BBS9: variants seen among roughly 807,000 people sequenced by gnomAD.
The protein encoded by BBS9 is protein PTHB1.
In BBS9, 89 loss-of-function variants were observed where a neutral mutation model predicts 117.7. That is an observed-to-expected ratio of 0.76 (90% CI 0.64 to 0.90). BBS9 has a LOEUF of 0.90. BBS9 is among the 40% of genes least tolerant of loss of function. The pLI, the probability that BBS9 is intolerant of heterozygous loss-of-function variation, is 0.00. For synonymous variants in BBS9, 379 were observed against 370.9 expected (o/e 1.02, Z -0.25); for missense variants, 982 against 1,042.2 (o/e 0.94, Z 0.80).
At chr7:33,540,256 A>C (rs1261828516) in intron 21 of BBS9, among the ~76,000 whole-genome samples, 2 of 152,266 alleles carry the variant, frequency 1.3e-5, no homozygotes, top group African/African-American at 4.8e-5. Flanking sequence ...TCCCTACCTC[A>C]TCCCATATCA....
intron 9 of BBS9, among the ~76,000 whole-genome samples, chr7:33,305,331 T>C (rs1807653640): frequency 6.6e-6 from 1 of 152,162 alleles, no homozygotes; most frequent in South Asian, 2.1e-4. Context: ...AATATTTGTG[T>C]CAATATTCAT....
In BBS9 at chr7:33,434,278, TA is replaced by T. The variant is rs36043262; in HGVS notation, c.2115+46149del. On this transcript the variant is annotated intron_variant, in intron 19 of 22. Coordinates refer to ENST00000242067, the MANE Select transcript of BBS9 (RefSeq NM_198428.3). ...CACTGAATTCTAATTTCCTGTTTGC[TA>T]AAAAAAAAAAAAAACTCCGTTTTAG... Among the ~76,000 whole-genome samples, 3,395 of 132,550 alleles carry T rather than the reference TA, an allele frequency of 0.026. 201 individuals carry two copies. The East Asian group carries it at 0.28, about 11-fold the overall frequency. The allele number at this position is 132,550 out of a possible 152,430, so 87.0% of individuals were successfully genotyped here.
At chr7:33,179,250 A>G (rs57445939) in intron 5 of BBS9, among the ~76,000 whole-genome samples, 2,576 of 152,296 alleles carry the variant, frequency 0.017, 61 homozygotes, top group African/African-American at 0.059. Flanking sequence ...TTTTGATAGC[A>G]TAACAGTGGT....
chr7:33,209,937 G>T (rs931774187), intron 5 of BBS9, among the ~76,000 whole-genome samples: 12 of 151,898 alleles, frequency 7.9e-5, no homozygotes, highest in African/African-American at 2.9e-4. Context: ...ACTGATTTTT[G>T]GTTTGGTTTG....
At chr7:33,381,519 G>A (rs981365068) in intron 17 of BBS9, among the ~76,000 whole-genome samples, 1 of 152,062 alleles carries the variant, frequency 6.6e-6, no homozygotes, top group Non-Finnish European at 1.5e-5. Context: ...AGATTTAAAA[G>A]GTTCTTATAC....
At chr7:33,211,473 G>A (rs1005444606) in intron 5 of BBS9, among the ~76,000 whole-genome samples, 1 of 143,266 alleles carries the variant, frequency 7.0e-6, no homozygotes, top group Non-Finnish European at 1.6e-5. Context: ...TCATTCCCCT[G>A]CTTTTTTTTG....
intron 11 of BBS9, among the ~76,000 whole-genome samples, chr7:33,342,753 C>A (rs1816803873): frequency 6.6e-6 from 1 of 152,064 alleles, no homozygotes; most frequent in Non-Finnish European, 1.5e-5. Context: ...TTTATGTTCC[C>A]AAAGGACTGC....
Position 33,542,790 on chromosome 7 carries a change from TACACACACACACACACACACACACAC to T in BBS9, c.2521+8638_2521+8663del, listed in dbSNP as rs368494839. Among the ~76,000 whole-genome samples, 10 of 134,380 alleles carry T rather than the reference TACACACACACACACACACACACACAC, an allele frequency of 7.4e-5. No individual in the cohort carries two copies. In the South Asian group the frequency reaches 1.3e-3, roughly 17 times the overall value. The allele number at this position is 134,380 out of a possible 152,430, so 88.2% of individuals were successfully genotyped here. Reference sequence around the variant, plus strand: ...ATATGTGAGTATATATATATATATGTACACACACACACACACACACACACACACACACACACACACACACACACAGT... The same window carrying T: ...ATATGTGAGTATATATATATATATGTACACACACACACACACACACACAGT... On this transcript the variant is annotated intron_variant, in intron 21 of 22. Coordinates refer to ENST00000242067, the MANE Select transcript of BBS9 (RefSeq NM_198428.3).
chr7:33,384,377 T>G (rs1195611586), intron 18 of BBS9, among the ~76,000 whole-genome samples: 3 of 152,218 alleles, frequency 2.0e-5, no homozygotes, highest in Non-Finnish European at 4.4e-5. Flanking sequence ...GCTCTGAATA[T>G]TTTGCATTTC....
chr7:33,563,448 A>G (rs566066110), intron 21 of BBS9, among the ~76,000 whole-genome samples: 1 of 152,312 alleles, frequency 6.6e-6, no homozygotes, highest in East Asian at 1.9e-4. Context: ...TCTATACTGA[A>G]AAAGCAGTTC....
intron 9 of BBS9, among the ~76,000 whole-genome samples, chr7:33,316,255 A>T (rs1210674793): frequency 6.6e-6 from 1 of 152,158 alleles, no homozygotes; most frequent in African/African-American, 2.4e-5. Flanking sequence ...TCAACGTACT[A>T]TTTTTTAACA....
chr7:33,562,040 T>C (rs1189863771), intron 21 of BBS9, among the ~76,000 whole-genome samples: 2 of 152,174 alleles, frequency 1.3e-5, no homozygotes, highest in African/African-American at 4.8e-5. Flanking sequence ...GAAAATAGAG[T>C]TGCCATTGAA....
In BBS9 at chr7:33,420,468, G is replaced by A. The variant is rs181301015; in HGVS notation, c.2115+32324G>A. Among the ~76,000 whole-genome samples, 14 of 152,230 alleles carry A rather than the reference G, an allele frequency of 9.2e-5. No homozygotes were observed. The East Asian group carries it at 1.9e-3, about 21-fold the overall frequency. ...TTGCTGCCTGACCAGCACCAGACAC[G>A]GGGACACTAGTATGCACCTGGCTTA... On this transcript the variant is annotated intron_variant, in intron 19 of 22. Coordinates refer to ENST00000242067, the MANE Select transcript of BBS9 (RefSeq NM_198428.3).
rs776584640 is a variant in BBS9 at position 33,544,342 on chromosome 7, TG to T, written c.2521+10168del. On this transcript the variant is annotated intron_variant, in intron 21 of 22. Transcript: ENST00000242067. Reference sequence around the variant, plus strand: ...TAGTCTCTGTCAGAGGGAAGGTCTATGGCTGAAAGCTGTTGTTCAGATTCTT... The same window carrying T: ...TAGTCTCTGTCAGAGGGAAGGTCTATGCTGAAAGCTGTTGTTCAGATTCTT... 9.8e-5 allele frequency among the ~76,000 whole-genome samples: 15 copies of T among 152,320 alleles called. No homozygotes were observed. The South Asian group carries it at 1.0e-3, about 11-fold the overall frequency.
At chr7:33,383,591 A>G in intron 17 of BBS9, 75 bp from the exon 18 acceptor site, 3 of 1,294,182 alleles carry the variant, frequency 2.3e-6, no homozygotes, top group South Asian at 2.6e-5. Context: ...TAAAGTCAGG[A>G]TTAGTGATAG....
At chr7:33,495,959 T>A (rs1466055885) in intron 19 of BBS9, among the ~76,000 whole-genome samples, 1 of 152,122 alleles carries the variant, frequency 6.6e-6, no homozygotes. Context: ...TAAAACCGGT[T>A]TTATGTGAAT....
At chr7:33,478,569 C>T (rs548794134) in intron 19 of BBS9, among the ~76,000 whole-genome samples, 6 of 152,170 alleles carry the variant, frequency 3.9e-5, no homozygotes, top group African/African-American at 1.4e-4. Flanking sequence ...CAAAAAAGCA[C>T]ATTAAGTGTA....
intron 9 of BBS9, among the ~76,000 whole-genome samples, chr7:33,298,092 C>T (rs1050675274): frequency 6.6e-6 from 1 of 151,904 alleles, no homozygotes; most frequent in Non-Finnish European, 1.5e-5. Flanking sequence ...GCTATAGAAG[C>T]ATCTTAATTC....
At chr7:33,619,882 T>C (rs2129221749) in intron 21 of BBS9, among the ~76,000 whole-genome samples, 2 of 152,136 alleles carry the variant, frequency 1.3e-5, no homozygotes, top group Non-Finnish European at 2.9e-5. Context: ...TAGCAATAAA[T>C]GCCTACATCA....
Sources: allele counts gnomAD v4.1 joint callset (sites outside exome capture counted in the v4.1 genomes callset), GRCh38; gene constraint gnomAD v4.1.1; transcripts MANE v1.5; gene names NCBI Gene and HGNC (gene_info 2026-07-23, HGNC 2026-07-21).